Variants in PRICKLE2 observed in about 807,000 individuals in gnomAD.
PRICKLE2 encodes prickle-like protein 2.
In PRICKLE2, 21 loss-of-function variants were observed where a neutral mutation model predicts 81.4. That is an observed-to-expected ratio of 0.26 (90% CI 0.18 to 0.37). The LOEUF is 0.37. PRICKLE2 is among the 10% of genes least tolerant of loss of function. The pLI is 1.00. For missense variants in PRICKLE2, 940 were observed against 1,109.0 expected, an observed-to-expected ratio of 0.85 and a Z score of 2.16; for synonymous variants, 456 against 421.5, an observed-to-expected ratio of 1.08 and a Z score of -1.00.
chr3:64,263,982 C>G lies in PRICKLE2; in HGVS notation c.129-65015G>C, dbSNP rs997738902. Among the ~76,000 whole-genome samples, 4 of 152,148 alleles carry G rather than the reference C, an allele frequency of 2.6e-5. No homozygotes were observed. In the South Asian group the frequency reaches 8.3e-4, roughly 32 times the overall value. The stretch of plus-strand genomic sequence containing the variant: ...GCCAGCATCCTAGAGAAGCAGGCTT[C>G]GGCAGAGTGGCGGCAGGGCAGTGGG... On this transcript the variant is annotated intron_variant, in intron 2 of 8. Transcript: ENST00000295902.
intron 2 of PRICKLE2, among the ~76,000 whole-genome samples, chr3:64,180,651 G>C (rs1200393734): frequency 2.6e-5 from 4 of 152,000 alleles, no homozygotes; most frequent in African/African-American, 9.7e-5. Context: ...TCCTGCCTCA[G>C]CCTCCTGAGT....
intron 2 of PRICKLE2, among the ~76,000 whole-genome samples, chr3:64,254,164 A>C (rs1179364841): frequency 6.6e-6 from 1 of 152,216 alleles, no homozygotes; most frequent in Non-Finnish European, 1.5e-5. Context: ...TAAATATTTA[A>C]TGGCTCTTTC....
rs1465343168 is a variant in PRICKLE2 at position 64,134,907 on chromosome 3, T to A, written c.1660+11923A>T. Among the ~76,000 whole-genome samples, 5 of 152,354 alleles carry A rather than the reference T, an allele frequency of 3.3e-5. No homozygotes were observed. In the East Asian group the frequency reaches 9.6e-4, roughly 29 times the overall value. On this transcript the variant is annotated intron_variant, in intron 7 of 7. Coordinates refer to ENST00000638394, the MANE Select transcript of PRICKLE2 (RefSeq NM_198859.4). The stretch of plus-strand genomic sequence containing the variant: ...CAAAGTAAAGACTGAACTGGACTTT[T>A]CTGCCTTCTAAAATTGGCACCTTTG...
chr3:64,127,882 T>C (rs1421046987), intron 7 of PRICKLE2, among the ~76,000 whole-genome samples: 1 of 151,970 alleles, frequency 6.6e-6, no homozygotes, highest in Non-Finnish European at 1.5e-5. Flanking sequence ...CAGCTGCCTA[T>C]CTTGAACGTT....
intron 2 of PRICKLE2, among the ~76,000 whole-genome samples, chr3:64,253,869 C>CAGTG: frequency 6.6e-6 from 1 of 152,130 alleles, no homozygotes; most frequent in East Asian, 1.9e-4. Flanking sequence ...ATCCGCTGGC[C>CAGTG]AGTGTCATGA....
chr3:64,237,751 C>A (rs891779939), intron 2 of PRICKLE2, among the ~76,000 whole-genome samples: 1 of 152,176 alleles, frequency 6.6e-6, no homozygotes, highest in Admixed American at 6.5e-5. Context: ...CCTAGTATTT[C>A]CCTGCCTCCT....
intron 7 of PRICKLE2, 114 bp downstream of exon 7, chr3:64,146,716 C>T (rs922173299): frequency 3.5e-5 from 43 of 1,214,036 alleles, no homozygotes; most frequent in Admixed American, 7.1e-5. Flanking sequence ...GCACTCCAGC[C>T]TGGGGGACAG....
intron 1 of PRICKLE2, among the ~76,000 whole-genome samples, chr3:64,212,120 G>A (rs1204445895): frequency 3.3e-5 from 5 of 152,192 alleles, no homozygotes; most frequent in African/African-American, 9.7e-5. Flanking sequence ...GTGTCTCCAT[G>A]GCAACACTAC....
intron 7 of PRICKLE2, among the ~76,000 whole-genome samples, chr3:64,121,651 T>C (rs1271907689): frequency 6.6e-6 from 1 of 152,212 alleles, no homozygotes; most frequent in East Asian, 1.9e-4. Flanking sequence ...TTCCTTATCT[T>C]GATGGCTAAG....
chr3:64,228,341 C>T (rs2079057092), upstream of PRICKLE2, among the ~76,000 whole-genome samples: 1 of 152,164 alleles, frequency 6.6e-6, no homozygotes, highest in African/African-American at 2.4e-5. Context: ...GGCCTAATTG[C>T]ATTCAAGAGA....
At position 64,148,120 on chromosome 3, in the gene PRICKLE2, C is replaced by T. The variant is rs541250141; in HGVS notation, c.788-418G>A. ...CAGTTTTCACATGAGAAAGTAGAGGCAGATGAGGCTAAGTAACTTGGCAGG... is the reference window on the plus strand; with the variant it reads ...CAGTTTTCACATGAGAAAGTAGAGGTAGATGAGGCTAAGTAACTTGGCAGG... On this transcript the variant is annotated intron_variant, in intron 6 of 7. Coordinates refer to ENST00000638394, the MANE Select transcript of PRICKLE2 (RefSeq NM_198859.4). Among the ~76,000 whole-genome samples the T allele has an allele frequency of 9.8e-5, 15 of 152,314 alleles. No individual in the cohort carries two copies. In the Middle Eastern group the frequency reaches 0.01, roughly 104 times the overall value.
intron 2 of PRICKLE2, among the ~76,000 whole-genome samples, chr3:64,179,717 C>T (rs3846222): frequency 1.5e-4 from 23 of 152,082 alleles, no homozygotes; most frequent in Non-Finnish European, 2.4e-4. Flanking sequence ...AGTGCTGCCG[C>T]AAGTATTGAT....
intron 7 of PRICKLE2, among the ~76,000 whole-genome samples, chr3:64,133,424 G>A (rs1379218396): frequency 6.6e-6 from 1 of 152,154 alleles, no homozygotes; most frequent in African/African-American, 2.4e-5. Context: ...TCCAGGAGCT[G>A]ATAATGATCT....
intron 7 of PRICKLE2, among the ~76,000 whole-genome samples, chr3:64,112,780 C>A (rs765089873): frequency 6.6e-6 from 1 of 152,146 alleles, no homozygotes; most frequent in Admixed American, 6.5e-5. Context: ...GCCTAATATA[C>A]AGAATCTATA....
chr3:64,120,251 C>T (rs1474579138), intron 7 of PRICKLE2, among the ~76,000 whole-genome samples: 2 of 152,134 alleles, frequency 1.3e-5, no homozygotes, highest in African/African-American at 4.8e-5. Context: ...AAAATAGAAG[C>T]TATGGAATAA....
At position 64,153,284 on chromosome 3, in the gene PRICKLE2, G is replaced by A. The variant is rs2077575857; in HGVS notation, c.685C>T (p.Leu229=). The A allele has an allele frequency of 1.2e-6, 2 of 1,614,048 alleles. No homozygotes were observed. Among genetic ancestry groups the A allele is most frequent in the African/African-American group, 1.3e-5 (1 of 74,926 alleles). Residue 229 remains leucine (L), a synonymous_variant, in exon 6 of 8, where the codon CTG becomes TTG. Coordinates refer to ENST00000638394, the MANE Select transcript of PRICKLE2 (RefSeq NM_198859.4). ...TTCATGATGTAGCGCTGGCCGCCCAGCACTGTCTCACACTCGAAGCAGCAA... is the reference window on the plus strand; with the variant it reads ...TTCATGATGTAGCGCTGGCCGCCCAACACTGTCTCACACTCGAAGCAGCAA... ...HFCCFECETV[L]GGQRYIMKEG...
chr3:64,140,432 C>G (rs903002906), intron 7 of PRICKLE2, among the ~76,000 whole-genome samples: 3 of 152,206 alleles, frequency 2.0e-5, no homozygotes, highest in Non-Finnish European at 4.4e-5. Flanking sequence ...CTATGGGACC[C>G]AGCTCTCTAT....
rs999168519 is a variant in PRICKLE2 at position 64,098,972 on chromosome 3, T to C, written c.*79A>G. ...CCCCATAAGCCACCCCCAAAAGCGC[T>C]TTAACATTTAAAACAGTGCAAGTTT... On this transcript the variant is annotated 3_prime_UTR_variant, in exon 8 of 8. Coordinates refer to ENST00000638394, the MANE Select transcript of PRICKLE2 (RefSeq NM_198859.4). 1 of 1,578,168 alleles carries C rather than the reference T, an allele frequency of 6.3e-7. No homozygotes were observed. The highest frequency in any genetic ancestry group is 8.7e-7 in the Non-Finnish European group (1 of 1,149,228).
At position 64,146,978 on chromosome 3, in the gene PRICKLE2, C is replaced by T. The variant is rs1394961962; in HGVS notation, c.1512G>A (p.Glu504=). 45 of 1,613,958 alleles carry T rather than the reference C, an allele frequency of 2.8e-5. No homozygotes were observed. The highest frequency in any genetic ancestry group is 5.5e-5 in the South Asian group (5 of 91,048). ...TRGSIQVPKY[E]EEEEEEGGLS... is the part of the protein sequence containing the mutation. ...AGCCCCCTTCCTCTTCCTCTTCCTC[C>T]TCATATTTGGGGACTTGGATGCTGC... The change falls in exon 7 of 8, where the codon GAG becomes GAA. Residue 504 remains glutamate (E), a synonymous_variant. Transcript: ENST00000638394.
Sources: allele counts gnomAD v4.1 joint callset (sites outside exome capture counted in the v4.1 genomes callset), GRCh38; gene constraint gnomAD v4.1.1; transcripts MANE v1.5; gene names NCBI Gene and HGNC (gene_info 2026-07-23, HGNC 2026-07-21).